The following DYNC2H1 variants were observed in gnomAD, a reference collection of about 807,000 sequenced individuals.
The protein encoded by DYNC2H1 is dynein cytoplasmic 2 heavy chain 1.
In DYNC2H1, 410 loss-of-function variants were observed where a neutral mutation model predicts 570.0. The ratio of observed to expected loss-of-function variants is 0.72; its 90% CI spans 0.66 to 0.78. DYNC2H1 has a LOEUF of 0.78. Among genes scored for constraint, DYNC2H1 ranks in the 30% least tolerant of loss-of-function variants. The pLI is 0.00. For missense variants in DYNC2H1, 4,865 were observed against 5,046.4 expected, an observed-to-expected ratio of 0.96 and a Z score of 1.09; for synonymous variants, 1,688 against 1,677.6, an observed-to-expected ratio of 1.01 and a Z score of -0.15.
At chr11:103,382,302 T>C (rs1470387178) in intron 83 of DYNC2H1, among the ~76,000 whole-genome samples, 1 of 152,216 alleles carries the variant, frequency 6.6e-6, no homozygotes, top group Non-Finnish European at 1.5e-5. Context: ...GATAGACTTT[T>C]TTTCTGAACA....
Position 103,134,439 on chromosome 11 carries a change from G to T in DYNC2H1, c.2205+20G>T. ...GCACAGGTAGAGTATGTTTTATTTT[G>T]TGTGTATACTTTGAAATATGACCTT... On this transcript the variant is annotated intron_variant, in intron 15 of 88. Transcript: ENST00000375735. 1 of 1,572,400 alleles carries T rather than the reference G, an allele frequency of 6.4e-7. No homozygotes were observed. Among genetic ancestry groups the T allele is most frequent in the Non-Finnish European group, 8.7e-7 (1 of 1,153,666 alleles).
chr11:103,273,807 T>A (rs1288121926), intron 70 of DYNC2H1, among the ~76,000 whole-genome samples: 2 of 152,166 alleles, frequency 1.3e-5, no homozygotes, highest in Non-Finnish European at 2.9e-5. Flanking sequence ...AGTGCTGCGA[T>A]GTGATTGAGC....
chr11:103,388,299 CTGTT>C (rs1283830144), intron 83 of DYNC2H1, among the ~76,000 whole-genome samples: 3 of 152,018 alleles, frequency 2.0e-5, no homozygotes, highest in Non-Finnish European at 2.9e-5. Flanking sequence ...ATTTGGCTCT[CTGTT>C]TGTCTGTTAT....
At chr11:103,300,515 CAG>C (rs1867003923) in intron 75 of DYNC2H1, among the ~76,000 whole-genome samples, 2 of 151,920 alleles carry the variant, frequency 1.3e-5, no homozygotes, top group South Asian at 4.1e-4. Flanking sequence ...TAAAGTGCAA[CAG>C]AAATTTTGCT....
chr11:103,223,359 A>G (rs1863667838), intron 59 of DYNC2H1, among the ~76,000 whole-genome samples: 3 of 152,074 alleles, frequency 2.0e-5, no homozygotes, highest in African/African-American at 2.4e-5. Flanking sequence ...CCAAAGTTTC[A>G]TAAAGGAATT....
intron 6 of DYNC2H1, among the ~76,000 whole-genome samples, 192 bp from the exon 7 acceptor site, chr11:103,120,254 GT>G: frequency 6.6e-6 from 1 of 152,214 alleles, no homozygotes; most frequent in African/African-American, 2.4e-5. Flanking sequence ...TGAAGAAACA[GT>G]TATGTTTTTG....
chr11:103,372,741 A>G (rs886809801), intron 83 of DYNC2H1, among the ~76,000 whole-genome samples: 3 of 152,110 alleles, frequency 2.0e-5, no homozygotes, highest in African/African-American at 4.8e-5. Flanking sequence ...TGGAATCACA[A>G]TCATGCTGGC....
intron 82 of DYNC2H1, among the ~76,000 whole-genome samples, chr11:103,348,659 C>A (rs978817863): frequency 2.0e-5 from 3 of 152,004 alleles, no homozygotes; most frequent in African/African-American, 7.2e-5. Context: ...AATAGTATTC[C>A]ATTTTATGAA....
intron 83 of DYNC2H1, among the ~76,000 whole-genome samples, chr11:103,359,271 G>C (rs1336012273): frequency 1.3e-5 from 2 of 152,168 alleles, no homozygotes; most frequent in Admixed American, 1.3e-4. Flanking sequence ...ATGAAGTTGC[G>C]AGGACAGCTC....
rs932370127 is a variant in DYNC2H1, at chr11:103,254,189, A to G, written c.10206+741A>G. 6.6e-6 allele frequency among the ~76,000 whole-genome samples: 1 copy of G among 152,200 alleles called. No individual in the cohort carries two copies. Among genetic ancestry groups the G allele is most frequent in the African/African-American group, 2.4e-5 (1 of 41,456 alleles). ...CTCATCAAGTATATTTTAATGAACAATATCTTTTGATTGACTTGATGATAC... is the reference window on the plus strand; with the variant it reads ...CTCATCAAGTATATTTTAATGAACAGTATCTTTTGATTGACTTGATGATAC... On this transcript the variant is annotated intron_variant, in intron 66 of 88. Coordinates refer to ENST00000375735, the MANE Select transcript of DYNC2H1 (RefSeq NM_001377.3). This position sits in a 1 kb window ranked among gnomAD's most constrained non-coding sequence, Gnocchi z 4.9.
intron 29 of DYNC2H1, among the ~76,000 whole-genome samples, chr11:103,161,284 G>A (rs1861081792): frequency 6.6e-6 from 1 of 152,020 alleles, no homozygotes; most frequent in South Asian, 2.1e-4. Context: ...CTTGGCCTTG[G>A]AGTAAAAAAT....
chr11:103,297,678 G>T (rs1866890886), intron 75 of DYNC2H1, among the ~76,000 whole-genome samples: 1 of 152,042 alleles, frequency 6.6e-6, no homozygotes, highest in African/African-American at 2.4e-5. Context: ...GGTATACATG[G>T]TCCATCGTTG....
At chr11:103,420,541 C>T (rs1185929346) in intron 84 of DYNC2H1, among the ~76,000 whole-genome samples, 1 of 152,094 alleles carries the variant, frequency 6.6e-6, no homozygotes, top group Non-Finnish European at 1.5e-5. Context: ...CAGCAGAAAC[C>T]CTACAAGCCA....
intron 87 of DYNC2H1, among the ~76,000 whole-genome samples, chr11:103,464,079 C>T (rs941184615): frequency 1.3e-5 from 2 of 152,080 alleles, no homozygotes; most frequent in Non-Finnish European, 2.9e-5. Context: ...GGAAAACTAA[C>T]AAAATCATTC....
intron 73 of DYNC2H1, 112 bp from the exon 74 acceptor site, chr11:103,286,143 G>T (rs1866343153): frequency 7.3e-7 from 1 of 1,366,348 alleles, no homozygotes; most frequent in Non-Finnish European, 1.0e-6. Context: ...CAAAGTAGAA[G>T]AGTAATAAAC....
rs201865741 is a variant in DYNC2H1 at position 103,307,862 on chromosome 11, T to G, written c.11493+31T>G. On this transcript the variant is annotated intron_variant, in intron 78 of 88. Coordinates refer to ENST00000375735, the MANE Select transcript of DYNC2H1 (RefSeq NM_001377.3). ...AAGATTTAAAACTTGGATCACCAGT[T>G]GTATGAAAGCAGTACTCTATACATG... The G allele has an allele frequency of 3.0e-6, 4 of 1,339,826 alleles. No individual in the cohort carries two copies. The African/African-American group carries it at 4.3e-5, about 15-fold the overall frequency. The allele number at this position is 1,339,826 out of a possible 1,614,324, so 83.0% of individuals were successfully genotyped here. A position where few individuals can be genotyped will look rare whatever the true frequency, so the allele number is the denominator to read the frequency against.
intron 70 of DYNC2H1, among the ~76,000 whole-genome samples, chr11:103,267,046 T>C (rs181112059): frequency 6.6e-6 from 1 of 152,168 alleles, no homozygotes; most frequent in African/African-American, 2.4e-5. Context: ...CCCTACCACT[T>C]CTGTAAGCCC....
chr11:103,179,836 C>G (rs1861778713), intron 39 of DYNC2H1, among the ~76,000 whole-genome samples: 2 of 151,630 alleles, frequency 1.3e-5, no homozygotes, highest in African/African-American at 4.8e-5. Flanking sequence ...AGAGCATGGA[C>G]ATTTGCACCA....
chr11:103,149,072 G>GTAAA (rs1247149502), intron 20 of DYNC2H1, among the ~76,000 whole-genome samples: 52 of 152,014 alleles, frequency 3.4e-4, no homozygotes, highest in African/African-American at 6.3e-4. Context: ...AAATAAATAA[G>GTAAA]TAAATAAATA....
Sources: gnomAD v4.1 joint callset for allele counts (sites outside exome capture counted in the v4.1 genomes callset) on GRCh38, gnomAD v4.1.1 for gene constraint, Gnocchi (gnomAD v3.1) non-coding constraint, MANE v1.5 for transcripts, NCBI Gene and HGNC (gene_info 2026-07-23, HGNC 2026-07-21) for gene names.